ZNF578: variants seen among roughly 807,000 people sequenced by gnomAD.
ZNF578 encodes Putative chemokine-related protein B42.
A neutral mutation model predicts 8.3 loss-of-function variants in ZNF578; 8 were observed. The observed-to-expected ratio is 0.96, with a 90% CI of 0.56 to 1.74. The LOEUF is 1.74. Ranked by LOEUF, ZNF578 falls within the 40% of genes most tolerant of loss-of-function variation. ZNF578 has a pLI of 0.00. For missense variants in ZNF578, 726 were observed against 707.5 expected (o/e 1.03, Z -0.30); for synonymous variants, 206 against 232.2 (o/e 0.89, Z 1.03).
At position 52,516,330 on chromosome 19, in the gene ZNF578, C is replaced by T. The variant is rs1198976272; in HGVS notation, c.*4176C>T. ...GTTTCCTCAACTTTAGGTCTGTGCC[C>T]TGAAGGGGAGCTCATTCCAGCCCAG... is the stretch of plus-strand genomic sequence containing the variant. On this transcript the variant is annotated 3_prime_UTR_variant, in exon 6 of 6. Transcript: ENST00000421239. 1.3e-5 allele frequency among the ~76,000 whole-genome samples: 2 copies of T among 152,176 alleles called. No homozygotes were observed. Among genetic ancestry groups the T allele is most frequent in the Non-Finnish European group, 2.9e-5 (2 of 68,040 alleles).
intron 2 of ZNF578, among the ~76,000 whole-genome samples, chr19:52,487,958 C>T (rs1189795288): frequency 2.0e-5 from 3 of 150,148 alleles, no homozygotes; most frequent in African/African-American, 4.9e-5. Flanking sequence ...TAGCCCCCCC[C>T]CCTTTTTTTT....
intron 2 of ZNF578, among the ~76,000 whole-genome samples, chr19:52,479,818 A>AT (rs1267444267): frequency 3.9e-5 from 6 of 152,294 alleles, no homozygotes; most frequent in Non-Finnish European, 7.3e-5. Context: ...ATGTGAAAAT[A>AT]TTTTTTCCAG....
At chr19:52,493,186 G>GC (rs2059372632) in intron 3 of ZNF578, among the ~76,000 whole-genome samples, 1 of 152,078 alleles carries the variant, frequency 6.6e-6, no homozygotes, top group South Asian at 2.1e-4. Flanking sequence ...CCCGCCCTGG[G>GC]CGCCTCCCAG....
intron 3 of ZNF578, among the ~76,000 whole-genome samples, chr19:52,493,413 C>CA (rs1370068509): frequency 5.3e-5 from 8 of 152,310 alleles, no homozygotes; most frequent in Non-Finnish European, 7.3e-5. Flanking sequence ...TGTCCTTTGA[C>CA]CCGGGATATT....
At chr19:52,484,012 G>A (rs576162229) in intron 2 of ZNF578, among the ~76,000 whole-genome samples, 60 of 152,268 alleles carry the variant, frequency 3.9e-4, no homozygotes, top group African/African-American at 1.4e-3. Flanking sequence ...CAGTCTCTGA[G>A]TCCCCTTAGT....
In ZNF578 at chr19:52,513,096, C is replaced by T. The variant is rs151150726; in HGVS notation, c.*942C>T. ...AGTGCAATGGTGCGATCTTGACTCA[C>T]AGCAACCTCCGCCTCCTGGGTTCAA... On this transcript the variant is annotated 3_prime_UTR_variant, in exon 6 of 6. Transcript: ENST00000421239. Among the ~76,000 whole-genome samples, 1 of 152,266 alleles carries T rather than the reference C, an allele frequency of 6.6e-6. No individual in the cohort carries two copies. The highest frequency in any genetic ancestry group is 1.9e-4 in the East Asian group (1 of 5,170).
intron 2 of ZNF578, among the ~76,000 whole-genome samples, chr19:52,484,781 A>AC (rs1340021228): frequency 2.0e-5 from 3 of 148,888 alleles, no homozygotes; most frequent in Admixed American, 1.3e-4. Flanking sequence ...CCAGAGAACA[A>AC]CCCCCCTTTG....
At chr19:52,486,616 C>T (rs571759402) in intron 2 of ZNF578, among the ~76,000 whole-genome samples, 2 of 151,954 alleles carry the variant, frequency 1.3e-5, no homozygotes, top group South Asian at 2.1e-4. Context: ...GGATTTGGAG[C>T]CAGGGCAGAC....
Position 52,516,466 on chromosome 19 carries a change from G to C in ZNF578, c.*4312G>C, listed in dbSNP as rs753714602. The stretch of plus-strand genomic sequence containing the variant: ...GAGGGCCGCAGGGGGGACTGTATTT[G>C]CTCAGGGTGAGGTCTCCTTTGTGTC... On this transcript the variant is annotated 3_prime_UTR_variant, in exon 6 of 6. Transcript: ENST00000421239. Among the ~76,000 whole-genome samples, 45 of 152,328 alleles carry C rather than the reference G, an allele frequency of 3.0e-4. No individual in the cohort carries two copies. Among genetic ancestry groups the C allele is most frequent in the Admixed American group, 3.9e-4 (6 of 15,310 alleles).
intron 1 of ZNF578, chr19:52,454,011 C>CT (rs1290126312): frequency 6.6e-6 from 1 of 152,306 alleles, no homozygotes; most frequent in Non-Finnish European, 1.5e-5. Context: ...ATTTTGGAAA[C>CT]CCCACCCCTC....
Position 52,512,043 on chromosome 19 carries a change from G to T in ZNF578, c.1662G>T (p.Leu554=). The T allele has an allele frequency of 6.2e-7, 1 of 1,612,424 alleles. No homozygotes were observed. The highest frequency in any genetic ancestry group is 2.2e-5 in the East Asian group (1 of 44,710). Residue 554 remains leucine (L), a synonymous_variant, in exon 6 of 6, where the codon CTG becomes CTT. Coordinates refer to ENST00000421239, the MANE Select transcript of ZNF578 (RefSeq NM_001099694.2). ...AGGCTTTCATGTGCCATTCTTATCT[G>T]GCAAACCATACTAGAATTCATAGCG... ...CDKAFMCHSY[L]ANHTRIHSGE... is the part of the protein sequence containing the mutation.
At chr19:52,509,561 G>A (rs879879210) in intron 5 of ZNF578, among the ~76,000 whole-genome samples, 1 of 152,156 alleles carries the variant, frequency 6.6e-6, no homozygotes, top group Non-Finnish European at 1.5e-5. Flanking sequence ...GGCCAAAGGG[G>A]GTGGAGACCA....
rs1329960491 is a variant in ZNF578, at chr19:52,515,172, C to T, written c.*3018C>T. ...TAGAGACAGGGTTTCATCATGTTGG[C>T]AGGCTGGTCTTGAACTCCTGACTTC... is the stretch of plus-strand genomic sequence containing the variant. On this transcript the variant is annotated 3_prime_UTR_variant, in exon 6 of 6. Coordinates refer to ENST00000421239, the MANE Select transcript of ZNF578 (RefSeq NM_001099694.2). 1.3e-5 allele frequency among the ~76,000 whole-genome samples: 2 copies of T among 151,952 alleles called. No homozygotes were observed. The highest frequency in any genetic ancestry group is 2.9e-5 in the Non-Finnish European group (2 of 67,992).
chr19:52,501,628 G>A (rs2059407807), intron 3 of ZNF578, among the ~76,000 whole-genome samples, 199 bp from the exon 4 acceptor site: 1 of 152,076 alleles, frequency 6.6e-6, no homozygotes, highest in East Asian at 1.9e-4. Context: ...CAGGAGGGGG[G>A]CGAGATCTGA....
chr19:52,480,790 G>A (rs1352463577), intron 2 of ZNF578, among the ~76,000 whole-genome samples: 2 of 151,526 alleles, frequency 1.3e-5, no homozygotes, highest in East Asian at 1.9e-4. Context: ...CCAGCTACTC[G>A]GGTGGCTGAG....
chr19:52,503,205 T>C (rs1175631415), intron 4 of ZNF578, among the ~76,000 whole-genome samples: 2 of 152,186 alleles, frequency 1.3e-5, no homozygotes, highest in Non-Finnish European at 2.9e-5. Flanking sequence ...TTTTATATTG[T>C]ATTTTTATTT....
At chr19:52,476,654 T>C (rs2059309264) in intron 2 of ZNF578, among the ~76,000 whole-genome samples, 1 of 152,234 alleles carries the variant, frequency 6.6e-6, no homozygotes, top group African/African-American at 2.4e-5. Flanking sequence ...CATAAATTGA[T>C]AGCTATATTT....
At chr19:52,491,793 T>A (rs1190084524) in intron 3 of ZNF578, among the ~76,000 whole-genome samples, 2 of 152,142 alleles carry the variant, frequency 1.3e-5, no homozygotes, top group Admixed American at 6.6e-5. Flanking sequence ...ACTAACTGGA[T>A]ATCCACATGG....
rs1427565277 is a variant in ZNF578, at chr19:52,491,431, T to TGTGCGATA, written c.-20+7_-20+8insTGCGATAG. On this transcript the variant is annotated splice_region_variant and intron_variant, in intron 3 of 5. Coordinates refer to ENST00000421239, the MANE Select transcript of ZNF578 (RefSeq NM_001099694.2). The stretch of plus-strand genomic sequence containing the variant: ...GCCACCACACTCCAGCTTGGGTGAG[T>TGTGCGATA]GAGCTACACCCTATCGCAAATAAGT... The TGTGCGATA allele has an allele frequency of 6.2e-6, 1 of 162,112 alleles. No individual in the cohort carries two copies. The highest frequency in any genetic ancestry group is 1.4e-5 in the Non-Finnish European group (1 of 73,788). The allele number at this position is 162,112 out of a possible 1,614,324, so 10.0% of individuals were successfully genotyped here.
Sources: allele counts gnomAD v4.1 joint callset (sites outside exome capture counted in the v4.1 genomes callset), GRCh38; gene constraint gnomAD v4.1.1; transcripts MANE v1.5; gene names NCBI Gene and HGNC (gene_info 2026-07-23, HGNC 2026-07-21).